The following CSMD1 variants were observed in gnomAD, a reference collection of about 807,000 sequenced individuals.
CSMD1 encodes the protein CUB and sushi domain-containing protein 1.
Under a neutral mutation model 417.5 loss-of-function variants are expected in CSMD1, and 213 were observed. That is an observed-to-expected ratio of 0.51 (90% CI 0.46 to 0.57). The LOEUF (loss-of-function observed/expected upper bound fraction) is 0.57, where lower values mean the gene tolerates loss of function less well. Among genes scored for constraint, CSMD1 ranks in the 20% least tolerant of loss-of-function variants. The probability of loss-of-function intolerance (pLI) is 0.00; values close to 1 mark genes in which losing one functional copy is unlikely to be tolerated. For missense variants in CSMD1, 6,923 were observed against 4,529.7 expected (o/e 1.53, Z -15.17); for synonymous variants, 2,862 against 1,736.8 (o/e 1.65, Z -16.11).
At chr8:4,263,447 A>AT (rs906162666) in intron 3 of CSMD1, among the ~76,000 whole-genome samples, 2 of 152,172 alleles carry the variant, frequency 1.3e-5, no homozygotes, top group African/African-American at 4.8e-5. Context: ...CTGCTTTTAG[A>AT]TTTGTGACAT....
Position 3,956,959 on chromosome 8 carries a change from G to T in CSMD1, c.818+40944C>A, listed in dbSNP as rs184380976. Reference sequence around the variant, plus strand: ...AAAAAGAATATTACTTTTTCTATACGGAAAGGTTGGACCTGTTTTTCTTGT... The same window carrying T: ...AAAAAGAATATTACTTTTTCTATACTGAAAGGTTGGACCTGTTTTTCTTGT... On this transcript the variant is annotated intron_variant, in intron 5 of 69. Coordinates refer to ENST00000635120, the MANE Select transcript of CSMD1 (RefSeq NM_033225.6). Among the ~76,000 whole-genome samples, 443 of 152,190 alleles carry T rather than the reference G, an allele frequency of 2.9e-3. 2 individuals are homozygous for T. The highest frequency in any genetic ancestry group is 4.0e-3 in the Non-Finnish European group (274 of 68,002).
chr8:3,217,030 G>A (rs1002282500), intron 29 of CSMD1, among the ~76,000 whole-genome samples: 1 of 152,004 alleles, frequency 6.6e-6, no homozygotes, highest in African/African-American at 2.4e-5. Context: ...CAGGCTAGAT[G>A]CAATGACATC....
intron 1 of CSMD1, among the ~76,000 whole-genome samples, chr8:4,844,238 A>G (rs1281021672): frequency 6.6e-6 from 1 of 152,146 alleles, no homozygotes; most frequent in Non-Finnish European, 1.5e-5. Flanking sequence ...GTAAGGTTAC[A>G]TTTTCCAGCT....
chr8:4,212,009 T>C (rs1041717567), intron 3 of CSMD1, among the ~76,000 whole-genome samples: 1 of 152,104 alleles, frequency 6.6e-6, no homozygotes, highest in Non-Finnish European at 1.5e-5. Context: ...CAGTTGAAAC[T>C]TGCATTTGTG....
rs186704236 is a variant in CSMD1 at position 4,825,755 on chromosome 8, G to A, written c.85+168577C>T. Among the ~76,000 whole-genome samples the A allele has an allele frequency of 2.3e-3, 336 of 145,310 alleles. 1 individual carries two copies. Among genetic ancestry groups the A allele is most frequent in the African/African-American group, 8.1e-3 (322 of 39,854 alleles). ...AAGGGGTTAATATCTGAGATATAGA[G>A]ATATACATGAAGCTTCTACAAATCA... On this transcript the variant is annotated intron_variant, in intron 1 of 69. Coordinates refer to ENST00000635120, the MANE Select transcript of CSMD1 (RefSeq NM_033225.6).
At chr8:4,227,186 G>T (rs780908421) in intron 3 of CSMD1, among the ~76,000 whole-genome samples, 19 of 152,156 alleles carry the variant, frequency 1.2e-4, no homozygotes, top group Non-Finnish European at 2.4e-4. Context: ...CATGGTTGCT[G>T]AGGGACGTTT....
chr8:4,193,975 A>C (rs11989624), intron 3 of CSMD1, among the ~76,000 whole-genome samples: 42,934 of 151,832 alleles, frequency 0.28, 6,187 homozygotes, highest in Admixed American at 0.35. Flanking sequence ...TTCCTAAGTA[A>C]ATGTTCTATG....
At chr8:3,912,855 G>A (rs1412702544) in intron 5 of CSMD1, among the ~76,000 whole-genome samples, 1 of 152,114 alleles carries the variant, frequency 6.6e-6, no homozygotes, top group South Asian at 2.1e-4. Context: ...AGTTCTGGAG[G>A]GGGCGTAGTA....
intron 1 of CSMD1, among the ~76,000 whole-genome samples, chr8:4,671,054 A>G (rs1805291021): frequency 6.6e-6 from 1 of 152,228 alleles, no homozygotes; most frequent in Non-Finnish European, 1.5e-5. Flanking sequence ...CAACACAGTC[A>G]TTGCAAATAT....
At chr8:3,042,185 T>A (rs1811145466) in intron 50 of CSMD1, among the ~76,000 whole-genome samples, 1 of 152,110 alleles carries the variant, frequency 6.6e-6, no homozygotes, top group Non-Finnish European at 1.5e-5. Context: ...CAAACTGACT[T>A]TTTGGCCTGA....
intron 12 of CSMD1, among the ~76,000 whole-genome samples, chr8:3,428,684 C>G (rs1304121672): frequency 6.6e-6 from 1 of 152,060 alleles, no homozygotes; most frequent in Non-Finnish European, 1.5e-5. Flanking sequence ...ATCATATGAT[C>G]CAGTCATCCT....
At chr8:4,258,829 G>A (rs1163205113) in intron 3 of CSMD1, among the ~76,000 whole-genome samples, 3 of 152,092 alleles carry the variant, frequency 2.0e-5, no homozygotes, top group African/African-American at 7.2e-5. Context: ...AGAAAGATCA[G>A]GAGCCCCACT....
chr8:3,344,499 C>T lies in CSMD1; in HGVS notation c.3475-1049G>A, dbSNP rs118157978. On this transcript the variant is annotated intron_variant, in intron 22 of 69. Coordinates refer to ENST00000635120, the MANE Select transcript of CSMD1 (RefSeq NM_033225.6). ...ATAAAAAAGTCAATGCAGCAGTCCTCGCTCCCAATAACAACAGAGCACTAG... is the reference window on the plus strand; with the variant it reads ...ATAAAAAAGTCAATGCAGCAGTCCTTGCTCCCAATAACAACAGAGCACTAG... 1.1e-4 allele frequency among the ~76,000 whole-genome samples: 17 copies of T among 152,290 alleles called. No homozygotes were observed. The East Asian group carries it at 1.9e-3, about 17-fold the overall frequency.
rs1563119017 is a variant in CSMD1 at position 3,523,015 on chromosome 8, C to CACA, written c.1345-29290_1345-29289insTGT. Among the ~76,000 whole-genome samples, 267 of 141,870 alleles carry CACA rather than the reference C, an allele frequency of 1.9e-3. 1 individual carries two copies. Among genetic ancestry groups the CACA allele is most frequent in the South Asian group, 7.8e-3 (35 of 4,478 alleles). The allele number at this position is 141,870 out of a possible 152,430, so 93.1% of individuals were successfully genotyped here. ...AATGGAGATACATATATACACACACCCACACACACACACACACACACACAC... is the reference window on the plus strand; with the variant it reads ...AATGGAGATACATATATACACACACCACACACACACACACACACACACACACAC... On this transcript the variant is annotated intron_variant, in intron 10 of 69. Coordinates refer to ENST00000635120, the MANE Select transcript of CSMD1 (RefSeq NM_033225.6).
At chr8:3,035,289 T>A (rs1810598985) in intron 50 of CSMD1, among the ~76,000 whole-genome samples, 1 of 152,134 alleles carries the variant, frequency 6.6e-6, no homozygotes, top group Non-Finnish European at 1.5e-5. Context: ...TCACATTGTG[T>A]ATGTAATTGT....
At chr8:3,314,707 C>T (rs1805613962) in intron 23 of CSMD1, among the ~76,000 whole-genome samples, 1 of 152,208 alleles carries the variant, frequency 6.6e-6, no homozygotes, top group African/African-American at 2.4e-5. Flanking sequence ...ATATATGTTG[C>T]ATGAATTACG....
intron 1 of CSMD1, among the ~76,000 whole-genome samples, chr8:4,706,471 T>G (rs138480939): frequency 5.9e-5 from 9 of 152,258 alleles, no homozygotes; most frequent in African/African-American, 1.9e-4. Flanking sequence ...GTCTCTATAA[T>G]ACAAAAGGGG....
At chr8:3,040,481 C>T (rs1330405503) in intron 50 of CSMD1, among the ~76,000 whole-genome samples, 2 of 146,754 alleles carry the variant, frequency 1.4e-5, no homozygotes, top group Admixed American at 6.9e-5. Context: ...TATATATAAA[C>T]ATATAAACAT....
rs1192383183 is a variant in CSMD1, at chr8:4,841,930, A to AAAAAAAAAAAAAAAAAAAAACAAAAC, written c.85+152401_85+152402insGTTTTGTTTTTTTTTTTTTTTTTTTT. Among the ~76,000 whole-genome samples, 191 of 122,426 alleles carry AAAAAAAAAAAAAAAAAAAAACAAAAC rather than the reference A, an allele frequency of 1.6e-3. 5 individuals carry two copies. Among genetic ancestry groups the AAAAAAAAAAAAAAAAAAAAACAAAAC allele is most frequent in the African/African-American group, 2.6e-3 (79 of 30,014 alleles). The allele number at this position is 122,426 out of a possible 152,430, so 80.3% of individuals were successfully genotyped here. The stretch of plus-strand genomic sequence containing the variant: ...CCGTCTCAAAAAAAAAAAAAAAAAA[A>AAAAAAAAAAAAAAAAAAAAACAAAAC]AAAAAAAAGTTCAGAACAATGGATA... On this transcript the variant is annotated intron_variant, in intron 1 of 69. Transcript: ENST00000635120.
Sources: allele counts gnomAD v4.1 joint callset (sites outside exome capture counted in the v4.1 genomes callset), GRCh38; gene constraint gnomAD v4.1.1; transcripts MANE v1.5; gene names NCBI Gene and HGNC (gene_info 2026-07-23, HGNC 2026-07-21).